The following UPRT variants were observed in gnomAD, a reference collection of about 807,000 sequenced individuals.
The protein encoded by UPRT is uracil phosphoribosyltransferase homolog.
A neutral mutation model predicts 22.6 loss-of-function variants in UPRT; 5 were observed. The observed-to-expected ratio is 0.22, with a 90% CI of 0.12 to 0.47. The LOEUF (loss-of-function observed/expected upper bound fraction) is 0.47. UPRT is among the 20% of genes least tolerant of loss of function. UPRT has a pLI of 0.99. For missense variants in UPRT, 181 were observed against 239.9 expected (o/e 0.75, Z 1.62); for synonymous variants, 77 against 87.7 (o/e 0.88, Z 0.68).
chrX:75,296,607 T>G (rs1166924638), intron 3 of UPRT, among the ~76,000 whole-genome samples, 196 bp downstream of exon 3: 1 of 106,446 alleles, frequency 9.4e-6, no homozygotes, highest in Non-Finnish European at 2.0e-5. Context: ...GTTAAGGGCT[T>G]GCTTGTCAAT....
chrX:75,227,929 T>G (rs1426586035), intron 4 of UPRT, among the ~76,000 whole-genome samples: 1 of 112,338 alleles, frequency 8.9e-6, no homozygotes, highest in African/African-American at 3.2e-5. Context: ...ATTGCCTCTT[T>G]TCTTTTTATT....
At chrX:75,206,664 C>A (rs1397097911) in intron 4 of UPRT, among the ~76,000 whole-genome samples, 2 of 109,976 alleles carry the variant, frequency 1.8e-5, no homozygotes, top group Non-Finnish European at 3.8e-5. Context: ...GAAAAATGGG[C>A]AATAATGATT....
chrX:75,237,854 C>T (rs1260346616), intron 4 of UPRT, among the ~76,000 whole-genome samples: 3 of 105,833 alleles, frequency 2.8e-5, no homozygotes, highest in Non-Finnish European at 3.9e-5. Flanking sequence ...TGCTAGATGA[C>T]GAGTTAGTGG....
intron 6 of UPRT, among the ~76,000 whole-genome samples, chrX:75,302,125 T>C (rs1030174902): frequency 9.0e-6 from 1 of 111,512 alleles, no homozygotes; most frequent in Non-Finnish European, 1.9e-5. Flanking sequence ...CTACAGTATA[T>C]CTAGTTGGGA....
chrX:75,249,276 G>A (rs1190716439), intron 4 of UPRT, among the ~76,000 whole-genome samples: 6 of 111,553 alleles, frequency 5.4e-5, no homozygotes, highest in African/African-American at 2.0e-4. Context: ...ATTGGATAAA[G>A]AGTCAAGACC....
chrX:75,233,924 C>G (rs1462650604), intron 4 of UPRT, among the ~76,000 whole-genome samples: 2 of 110,216 alleles, frequency 1.8e-5, no homozygotes. Context: ...GGATCAAATT[C>G]ACACATAACA....
rs186241354 is a variant in UPRT, at chrX:75,278,165, A to G, written c.386+3525A>G. Among the ~76,000 whole-genome samples the G allele has an allele frequency of 1.3e-4, 15 of 111,698 alleles. No individual in the cohort carries two copies. The East Asian group carries it at 4.2e-3, about 31-fold the overall frequency. On this transcript the variant is annotated intron_variant, in intron 1 of 6. Transcript: ENST00000373383. ...TTATTGTTTCTGGTCCTTAGCATCT[A>G]TATAGTGAAGGGATTGCTTTGTGAA...
intron 3 of UPRT, among the ~76,000 whole-genome samples, chrX:75,296,813 A>G (rs1396140055): frequency 8.9e-6 from 1 of 111,971 alleles, no homozygotes; most frequent in Non-Finnish European, 1.9e-5. Context: ...AAAGAAAACT[A>G]AAAATGATAA....
intron 4 of UPRT, among the ~76,000 whole-genome samples, chrX:75,186,641 T>C (rs1479281343): frequency 1.8e-5 from 2 of 111,658 alleles, no homozygotes; most frequent in African/African-American, 3.3e-5. Context: ...CTCCCATTAT[T>C]ATTGTGTGGG....
intron 4 of UPRT, among the ~76,000 whole-genome samples, chrX:75,175,883 T>C (rs2082244947): frequency 9.0e-6 from 1 of 111,329 alleles, no homozygotes; most frequent in African/African-American, 3.3e-5. Context: ...GGCCTGTTCT[T>C]CTTGGTCCCT....
intron 4 of UPRT, among the ~76,000 whole-genome samples, chrX:75,242,769 A>C (rs1602469858): frequency 9.0e-6 from 1 of 110,875 alleles, no homozygotes; most frequent in Admixed American, 9.7e-5. Context: ...TCCCAACTCT[A>C]CTCCTTATGA....
At chrX:75,272,343 T>TGTATATATATAG (rs2082612837), upstream of UPRT, among the ~76,000 whole-genome samples, 1 of 89,814 alleles carries the variant, frequency 1.1e-5, no homozygotes, top group Non-Finnish European at 2.1e-5. Flanking sequence ...TATATATATA[T>TGTATATATATAG]ACACATATAT....
chrX:75,278,801 A>G (rs2082641954), intron 1 of UPRT, among the ~76,000 whole-genome samples: 1 of 111,659 alleles, frequency 9.0e-6, no homozygotes, highest in African/African-American at 3.3e-5. Flanking sequence ...AGTATGTGAC[A>G]TAGGACAAAA....
chrX:75,195,908 G>A (rs2082331339), intron 4 of UPRT, among the ~76,000 whole-genome samples: 1 of 112,066 alleles, frequency 8.9e-6, no homozygotes, highest in Non-Finnish European at 1.9e-5. Flanking sequence ...TAACCTTGGA[G>A]TGATGGAAAA....
intron 4 of UPRT, among the ~76,000 whole-genome samples, chrX:75,178,608 G>C (rs761141063): frequency 1.8e-5 from 2 of 110,509 alleles, no homozygotes; most frequent in African/African-American, 6.6e-5. Context: ...TGGTGGGTTC[G>C]TGGTCTCACT....
chrX:75,228,766 T>C (rs1325173244), intron 4 of UPRT, among the ~76,000 whole-genome samples: 6 of 111,976 alleles, frequency 5.4e-5, no homozygotes, highest in Non-Finnish European at 9.4e-5. Flanking sequence ...ATATACCTTT[T>C]AGACATTGTA....
chrX:75,234,483 A>AT (rs972538252), intron 4 of UPRT, among the ~76,000 whole-genome samples: 5 of 111,554 alleles, frequency 4.5e-5, no homozygotes, highest in Admixed American at 1.9e-4. Context: ...CAGAATATAC[A>AT]TTTTTTTCAG....
intron 4 of UPRT, among the ~76,000 whole-genome samples, chrX:75,170,746 T>G (rs1300670385): frequency 9.0e-6 from 1 of 111,517 alleles, no homozygotes. Context: ...TAGGATTCCT[T>G]TTAGTATTTC....
At chrX:75,293,249 A>G (rs2082714575) in intron 1 of UPRT, among the ~76,000 whole-genome samples, 1 of 111,363 alleles carries the variant, frequency 9.0e-6, no homozygotes, top group Admixed American at 9.6e-5. Flanking sequence ...TTTCAGTTCC[A>G]GTCTCTAATG....
Sources: gnomAD v4.1 joint callset for allele counts (sites outside exome capture counted in the v4.1 genomes callset) on GRCh38, gnomAD v4.1.1 for gene constraint, MANE v1.5 for transcripts, NCBI Gene and HGNC (gene_info 2026-07-23, HGNC 2026-07-21) for gene names.